The following ANKS1B variants were observed in gnomAD, a reference collection of about 807,000 sequenced individuals.
The protein encoded by ANKS1B is ankyrin repeat and sterile alpha motif domain containing 1B, also known as ankyrin repeat and sterile alpha motif domain-containing protein 1B.
ANKS1B carries 36 observed loss-of-function variants against 148.3 expected under a neutral mutation model. The ratio of observed to expected loss-of-function variants is 0.24; its 90% confidence interval spans 0.19 to 0.32. The LOEUF (loss-of-function observed/expected upper bound fraction) is 0.32, where lower values mean the gene tolerates loss of function less well. ANKS1B is among the 10% of genes least tolerant of loss of function. The pLI is 1.00. For synonymous variants in ANKS1B, 542 were observed against 560.8 expected, an observed-to-expected ratio of 0.97 and a Z score of 0.47; for missense variants, 1,157 against 1,542.6, an observed-to-expected ratio of 0.75 and a Z score of 4.19.
At chr12:99,724,036 G>A (rs2058370368) in intron 8 of ANKS1B, among the ~76,000 whole-genome samples, 2 of 151,662 alleles carry the variant, frequency 1.3e-5, no homozygotes, top group Admixed American at 1.3e-4. Flanking sequence ...AATTCATGAA[G>A]ATGAGAAAGG....
At chr12:99,050,690 C>CTTTTTTTTTTTTTT (rs62812561) in intron 17 of ANKS1B, among the ~76,000 whole-genome samples, 25 of 113,538 alleles carry the variant, frequency 2.2e-4, no homozygotes, top group Admixed American at 4.2e-4. Flanking sequence ...TTTTCTTTTT[C>CTTTTTTTTTTTTTT]TTTTTTTTTT....
At position 99,871,128 on chromosome 12, in the gene ANKS1B, T is replaced by C. The variant is rs151058432; in HGVS notation, c.135-45739A>G. 9.6e-3 allele frequency among the ~76,000 whole-genome samples: 1,463 copies of C among 152,304 alleles called. 25 individuals are homozygous for C. Among genetic ancestry groups the C allele is most frequent in the African/African-American group, 0.034 (1,397 of 41,572 alleles). On this transcript the variant is annotated intron_variant, in intron 1 of 26. Coordinates refer to ENST00000683438, the MANE Select transcript of ANKS1B (RefSeq NM_001352186.2). ...AAAGGTAGGGGTCCAGTTTCATTCTTCTGCATATAGCTAGCTGGCTATCCC... is the reference window on the plus strand; with the variant it reads ...AAAGGTAGGGGTCCAGTTTCATTCTCCTGCATATAGCTAGCTGGCTATCCC...
intron 17 of ANKS1B, among the ~76,000 whole-genome samples, chr12:98,873,215 C>A (rs2099676836): frequency 6.6e-6 from 1 of 152,182 alleles, no homozygotes; most frequent in Non-Finnish European, 1.5e-5. Flanking sequence ...ATTGGCAACT[C>A]CTTCCTGATC....
At chr12:99,549,574 T>C (rs1307968456) in intron 9 of ANKS1B, among the ~76,000 whole-genome samples, 1 of 152,222 alleles carries the variant, frequency 6.6e-6, no homozygotes, top group Non-Finnish European at 1.5e-5. Context: ...GTCCAACACT[T>C]TCATGAATGC....
At chr12:98,857,226 A>C (rs116029158) in intron 17 of ANKS1B, among the ~76,000 whole-genome samples, 1,624 of 152,324 alleles carry the variant, frequency 0.011, 30 homozygotes, top group African/African-American at 0.037. Context: ...ATTTTAAGCG[A>C]GGTCTTAGAG....
intron 1 of ANKS1B, among the ~76,000 whole-genome samples, chr12:99,903,018 G>A (rs556602939): frequency 2.0e-5 from 3 of 152,010 alleles, no homozygotes; most frequent in Non-Finnish European, 2.9e-5. Context: ...CACCCTCCTC[G>A]GCCTCCCAAA....
At chr12:98,862,280 C>T (rs901623387) in intron 17 of ANKS1B, among the ~76,000 whole-genome samples, 13 of 152,156 alleles carry the variant, frequency 8.5e-5, no homozygotes, top group African/African-American at 3.1e-4. Flanking sequence ...TACCACTTCT[C>T]AGCCATGTAT....
intron 12 of ANKS1B, among the ~76,000 whole-genome samples, chr12:99,309,793 C>T (rs1260519839): frequency 6.6e-6 from 1 of 152,088 alleles, no homozygotes. Flanking sequence ...TGAAGCTCTA[C>T]AGAATTTTAA....
chr12:99,664,419 AAAG>A (rs565914474), intron 8 of ANKS1B, among the ~76,000 whole-genome samples: 92 of 152,190 alleles, frequency 6.0e-4, no homozygotes, highest in African/African-American at 2.2e-3. Flanking sequence ...TGCAAAATAG[AAAG>A]AAAACAAATG....
chr12:99,060,694 C>T (rs1565823189), intron 16 of ANKS1B, among the ~76,000 whole-genome samples: 1 of 93,352 alleles, frequency 1.1e-5, no homozygotes, highest in African/African-American at 3.8e-5. Context: ...CACACACACA[C>T]ACACACATAT....
At chr12:99,451,803 A>G (rs78900363) in intron 10 of ANKS1B, among the ~76,000 whole-genome samples, 9,952 of 120,504 alleles carry the variant, frequency 0.083, 450 homozygotes, top group East Asian at 0.23. Context: ...GTGTGTGTGT[A>G]TGTGTATGTC....
chr12:99,616,055 A>G (rs1448590522), intron 9 of ANKS1B, among the ~76,000 whole-genome samples: 1 of 152,180 alleles, frequency 6.6e-6, no homozygotes, highest in Non-Finnish European at 1.5e-5. Flanking sequence ...CACAAAGAGA[A>G]TAAAATGTCT....
chr12:99,210,377 C>T (rs751539012), intron 14 of ANKS1B, among the ~76,000 whole-genome samples: 20 of 152,098 alleles, frequency 1.3e-4, no homozygotes, highest in Non-Finnish European at 2.4e-4. Context: ...CTTATTTATG[C>T]CTACCATTTT....
intron 9 of ANKS1B, among the ~76,000 whole-genome samples, chr12:99,528,833 A>C (rs1035309264): frequency 6.6e-6 from 1 of 152,182 alleles, no homozygotes; most frequent in East Asian, 1.9e-4. Flanking sequence ...CACTCAAATT[A>C]TATATTCCTG....
chr12:99,611,532 C>A (rs1166245908), intron 9 of ANKS1B, among the ~76,000 whole-genome samples: 1 of 152,110 alleles, frequency 6.6e-6, no homozygotes, highest in Non-Finnish European at 1.5e-5. Context: ...AACACTGAAT[C>A]TGATAGCAAA....
At chr12:99,240,240 CA>C (rs1029528515) in intron 14 of ANKS1B, among the ~76,000 whole-genome samples, 1 of 151,320 alleles carries the variant, frequency 6.6e-6, no homozygotes, top group South Asian at 2.1e-4. Flanking sequence ...AAATGGAAAA[CA>C]AAAAAAAGCA....
intron 15 of ANKS1B, among the ~76,000 whole-genome samples, chr12:99,117,734 C>T (rs2061747473): frequency 6.6e-6 from 1 of 152,190 alleles, no homozygotes; most frequent in Non-Finnish European, 1.5e-5. Flanking sequence ...GGAGGAGTCC[C>T]TCTTTTTCTA....
intron 17 of ANKS1B, among the ~76,000 whole-genome samples, chr12:98,909,230 G>T (rs1426287091): frequency 5.3e-5 from 8 of 152,108 alleles, no homozygotes; most frequent in South Asian, 2.1e-4. Flanking sequence ...TCTTCCACAG[G>T]CCCCACCATC....
intron 1 of ANKS1B, among the ~76,000 whole-genome samples, chr12:99,847,943 T>C (rs963523740): frequency 6.6e-6 from 1 of 151,910 alleles, no homozygotes; most frequent in Admixed American, 6.6e-5. Context: ...CAGGGAAACA[T>C]TAGACTGAAA....
Sources: gnomAD v4.1 joint callset for allele counts (sites outside exome capture counted in the v4.1 genomes callset) on GRCh38, gnomAD v4.1.1 for gene constraint, MANE v1.5 for transcripts, NCBI Gene and HGNC (gene_info 2026-07-23, HGNC 2026-07-21) for gene names.